Variants in FUT9 observed in about 807,000 individuals in gnomAD.
FUT9 encodes fucosyltransferase 9, also known as 4-galactosyl-N-acetylglucosaminide 3-alpha-L-fucosyltransferase 9.
FUT9 carries 15 observed loss-of-function variants against 29.7 expected under a neutral mutation model. The ratio of observed to expected loss-of-function variants is 0.51; its 90% CI spans 0.34 to 0.78. The LOEUF (loss-of-function observed/expected upper bound fraction) is 0.78, where lower values mean the gene tolerates loss of function less well. Ranked by LOEUF, FUT9 falls within the 30% of genes least tolerant of loss-of-function variation. FUT9 has a pLI of 0.01. For synonymous variants in FUT9, 169 were observed against 153.7 expected, an observed-to-expected ratio of 1.10 and a Z score of -0.74; for missense variants, 319 against 425.4, an observed-to-expected ratio of 0.75 and a Z score of 2.20.
At chr6:96,146,535 T>G (rs572615908) in intron 2 of FUT9, among the ~76,000 whole-genome samples, 1 of 152,204 alleles carries the variant, frequency 6.6e-6, no homozygotes, top group East Asian at 1.9e-4. Context: ...TTTGGTAAGT[T>G]AAAAAAAACT....
At chr6:96,064,690 T>G (rs1770933840) in intron 1 of FUT9, among the ~76,000 whole-genome samples, 1 of 152,184 alleles carries the variant, frequency 6.6e-6, no homozygotes, top group Non-Finnish European at 1.5e-5. Context: ...TTGGCTTATT[T>G]GTAAGTAGCT....
In FUT9 at chr6:96,210,681, A is replaced by G. The variant is rs1050511807; in HGVS notation, c.*6446A>G. On this transcript the variant is annotated 3_prime_UTR_variant, in exon 3 of 3. Coordinates refer to ENST00000302103, the MANE Select transcript of FUT9 (RefSeq NM_006581.4). ...ACAGGAAAGACTGGTCTAGACAATT[A>G]CTAGGATATATGCTTCTGTGATCTG... is the stretch of plus-strand genomic sequence containing the variant. 1 of 166,974 alleles carries G rather than the reference A, an allele frequency of 6.0e-6. No individual in the cohort carries two copies. Among genetic ancestry groups the G allele is most frequent in the African/African-American group, 2.4e-5 (1 of 41,450 alleles). 10.3% of individuals were successfully genotyped at this position (166,974 alleles called of 1,614,324 possible).
chr6:96,052,979 T>C (rs1410092224), intron 1 of FUT9, among the ~76,000 whole-genome samples: 2 of 151,930 alleles, frequency 1.3e-5, no homozygotes, highest in Non-Finnish European at 2.9e-5. Flanking sequence ...TTTGTCTTCA[T>C]TCAATCACCA....
chr6:96,109,987 A>C (rs558876497), intron 1 of FUT9, among the ~76,000 whole-genome samples: 1 of 152,236 alleles, frequency 6.6e-6, no homozygotes, highest in African/African-American at 2.4e-5. Context: ...AGTGCTTGTT[A>C]CTGTCGTGGG....
At chr6:96,183,654 G>C (rs998816312) in intron 2 of FUT9, among the ~76,000 whole-genome samples, 1 of 151,926 alleles carries the variant, frequency 6.6e-6, no homozygotes, top group Admixed American at 6.6e-5. Flanking sequence ...AATCATAAAG[G>C]GATGCTAGAT....
chr6:96,119,369 C>A (rs1314334467), intron 2 of FUT9, among the ~76,000 whole-genome samples: 1 of 152,110 alleles, frequency 6.6e-6, no homozygotes. Context: ...AAGTTTGTAG[C>A]CTAGAAACAA....
intron 2 of FUT9, among the ~76,000 whole-genome samples, chr6:96,164,413 C>A (rs1439371056): frequency 6.6e-6 from 1 of 152,000 alleles, no homozygotes. Context: ...CGCCTGCCAC[C>A]GCTCCCGGCT....
intron 1 of FUT9, among the ~76,000 whole-genome samples, chr6:96,101,078 A>G (rs560821359): frequency 8.5e-5 from 13 of 152,324 alleles, no homozygotes; most frequent in Admixed American, 5.9e-4. Context: ...CTACTACTTA[A>G]TATTTTTAAC....
intron 2 of FUT9, among the ~76,000 whole-genome samples, chr6:96,186,319 C>T (rs1773405481): frequency 6.6e-6 from 1 of 152,122 alleles, no homozygotes; most frequent in Non-Finnish European, 1.5e-5. Context: ...CCCAGCAAAG[C>T]TGGTGCTAAT....
At chr6:96,115,195 T>G (rs1001635922) in intron 2 of FUT9, among the ~76,000 whole-genome samples, 1 of 152,212 alleles carries the variant, frequency 6.6e-6, no homozygotes, top group African/African-American at 2.4e-5. Flanking sequence ...TTATTTAAAT[T>G]TTTCTCATGG....
chr6:96,165,521 TAAAA>T (rs67592196), intron 2 of FUT9, among the ~76,000 whole-genome samples: 3 of 145,508 alleles, frequency 2.1e-5, no homozygotes, highest in African/African-American at 2.5e-5. Context: ...AGCCCTAGGT[TAAAA>T]AAAAAAAAAA....
intron 2 of FUT9, among the ~76,000 whole-genome samples, chr6:96,184,127 C>T (rs939229929): frequency 1.3e-5 from 2 of 152,000 alleles, no homozygotes; most frequent in East Asian, 1.9e-4. Context: ...AATCTCACTG[C>T]TTGTTTTTGG....
intron 2 of FUT9, among the ~76,000 whole-genome samples, chr6:96,121,109 C>T (rs1772019583): frequency 6.6e-6 from 1 of 152,076 alleles, no homozygotes; most frequent in African/African-American, 2.4e-5. Context: ...GAAGAACTTA[C>T]TGCTTTATTT....
intron 2 of FUT9, among the ~76,000 whole-genome samples, chr6:96,116,935 G>T (rs1771922464): frequency 6.6e-6 from 1 of 152,060 alleles, no homozygotes; most frequent in South Asian, 2.1e-4. Flanking sequence ...AGTAAATTCT[G>T]CAGCATGCAC....
chr6:96,212,157 T>C lies in FUT9; in HGVS notation c.*7922T>C. Reference sequence around the variant, plus strand: ...AACAACCCAGGACTACCACTCATTATGTGAGAAATATGGGCCAGAGTTACA... The same window carrying C: ...AACAACCCAGGACTACCACTCATTACGTGAGAAATATGGGCCAGAGTTACA... On this transcript the variant is annotated 3_prime_UTR_variant, in exon 3 of 3. Transcript: ENST00000302103. The C allele has an allele frequency of 2.4e-6, 1 of 412,548 alleles. No homozygotes were observed. The highest frequency in any genetic ancestry group is 4.4e-5 in the Admixed American group (1 of 22,688). 25.6% of individuals were successfully genotyped at this position (412,548 alleles called of 1,614,324 possible).
intron 2 of FUT9, among the ~76,000 whole-genome samples, chr6:96,182,084 C>T (rs1293930453): frequency 6.6e-6 from 1 of 152,098 alleles, no homozygotes; most frequent in East Asian, 1.9e-4. Flanking sequence ...TCCACACCAA[C>T]ATCTATTAGT....
chr6:96,026,433 G>C (rs1360440520), intron 1 of FUT9, among the ~76,000 whole-genome samples: 3 of 151,632 alleles, frequency 2.0e-5, no homozygotes, highest in Non-Finnish European at 4.4e-5. Flanking sequence ...ATAGATTACA[G>C]CATAGGGCGT....
In FUT9 at chr6:96,212,386, G is replaced by T. The variant is rs1439360190; in HGVS notation, c.*8151G>T. On this transcript the variant is annotated 3_prime_UTR_variant, in exon 3 of 3. Transcript: ENST00000302103. ...CTGCCTCAAGAGTCCTTAAGCAAAT[G>T]AAGATTATCTGATTGTCTATGTAAA... The T allele has an allele frequency of 9.7e-6, 4 of 412,246 alleles. No individual in the cohort carries two copies. In the Admixed American group the frequency reaches 1.3e-4, roughly 14 times the overall value. 25.5% of individuals were successfully genotyped at this position (412,246 alleles called of 1,614,324 possible).
At chr6:96,154,876 A>C (rs2127977848) in intron 2 of FUT9, among the ~76,000 whole-genome samples, 1 of 152,338 alleles carries the variant, frequency 6.6e-6, no homozygotes, top group South Asian at 2.1e-4. Context: ...TGCAGATTGG[A>C]AGATAGGCAT....
Sources: allele counts gnomAD v4.1 joint callset (sites outside exome capture counted in the v4.1 genomes callset), GRCh38; gene constraint gnomAD v4.1.1; transcripts MANE v1.5; gene names NCBI Gene and HGNC (gene_info 2026-07-23, HGNC 2026-07-21).